PCDH9: variants seen among roughly 807,000 people sequenced by gnomAD.
PCDH9 encodes the protein protocadherin-9.
A neutral mutation model predicts 70.6 loss-of-function variants in PCDH9; 24 were observed. That is an observed-to-expected ratio of 0.34 (90% CI 0.25 to 0.48). PCDH9 has a LOEUF of 0.48. Among genes scored for constraint, PCDH9 ranks in the 20% least tolerant of loss-of-function variants. The pLI is 0.99. For missense variants in PCDH9, 1,281 were observed against 1,503.6 expected (o/e 0.85, Z 2.45); for synonymous variants, 562 against 558.5 (o/e 1.01, Z -0.09).
chr13:66,673,738 C>G (rs965250804), intron 3 of PCDH9, among the ~76,000 whole-genome samples: 1 of 152,126 alleles, frequency 6.6e-6, no homozygotes, highest in Non-Finnish European at 1.5e-5. Context: ...GGCAAAGAAA[C>G]ACACCATTTG....
chr13:67,205,496 C>T (rs747009902), intron 2 of PCDH9: 1 of 152,180 alleles, frequency 6.6e-6, no homozygotes, highest in Non-Finnish European at 1.5e-5. Context: ...GTTCAGAATT[C>T]TAAGTGTTTG....
intron 4 of PCDH9, among the ~76,000 whole-genome samples, chr13:66,447,443 C>T (rs1315635218): frequency 2.0e-5 from 3 of 152,056 alleles, no homozygotes; most frequent in Non-Finnish European, 4.4e-5. Flanking sequence ...GGAATCTGCC[C>T]ATATTAATGC....
intron 2 of PCDH9, among the ~76,000 whole-genome samples, chr13:66,958,090 T>C (rs1317916666): frequency 6.6e-6 from 1 of 152,138 alleles, no homozygotes; most frequent in Non-Finnish European, 1.5e-5. Context: ...TACATAAAGG[T>C]ATGTTCAAGA....
At chr13:66,524,001 C>T (rs1960109482) in intron 4 of PCDH9, among the ~76,000 whole-genome samples, 1 of 152,022 alleles carries the variant, frequency 6.6e-6, no homozygotes. Context: ...CATTATGAGG[C>T]GGTGCTAAAT....
rs1431457888 is a variant in PCDH9 at position 67,228,556 on chromosome 13, C to T, written c.-116G>A. The T allele has an allele frequency of 3.9e-6, 3 of 772,292 alleles. No homozygotes were observed. 47.8% of individuals were successfully genotyped at this position (772,292 alleles called of 1,614,324 possible). On this transcript the variant is annotated 5_prime_UTR_variant, in exon 2 of 5. It removes the in-frame stop codon of an upstream open reading frame in the 5' UTR. Coordinates refer to ENST00000377865, the MANE Select transcript of PCDH9 (RefSeq NM_203487.3). Reference sequence around the variant, plus strand: ...GACTGGAGGATGCATTATATCTCATCACTTATTTGGAGACAGCCGCTGTCA... The same window carrying T: ...GACTGGAGGATGCATTATATCTCATTACTTATTTGGAGACAGCCGCTGTCA...
intron 3 of PCDH9, among the ~76,000 whole-genome samples, chr13:66,850,172 T>A (rs896239311): frequency 6.6e-6 from 1 of 152,170 alleles, no homozygotes; most frequent in Non-Finnish European, 1.5e-5. Flanking sequence ...AACACTAAAG[T>A]GACACCACTA....
intron 2 of PCDH9, chr13:67,211,243 G>A (rs988101108): frequency 1.3e-5 from 2 of 151,884 alleles, no homozygotes; most frequent in African/African-American, 4.8e-5. Context: ...TTTCAATTTC[G>A]TAGTTCATTT....
chr13:66,481,632 T>A (rs1231470102), intron 4 of PCDH9, among the ~76,000 whole-genome samples: 2 of 152,204 alleles, frequency 1.3e-5, no homozygotes, highest in Non-Finnish European at 2.9e-5. Flanking sequence ...GAACTAAACC[T>A]GCAAAATCTC....
intron 4 of PCDH9, among the ~76,000 whole-genome samples, chr13:66,420,640 A>T (rs972027689): frequency 3.3e-5 from 5 of 152,278 alleles, no homozygotes; most frequent in African/African-American, 1.2e-4. Context: ...TAGCATCAAT[A>T]TCAACAAAAA....
At chr13:66,464,737 A>C (rs1318078940) in intron 4 of PCDH9, among the ~76,000 whole-genome samples, 6 of 151,958 alleles carry the variant, frequency 3.9e-5, no homozygotes, top group Admixed American at 3.9e-4. Context: ...AAAGTGCATT[A>C]GCACAGCTTC....
intron 3 of PCDH9, among the ~76,000 whole-genome samples, chr13:66,671,475 A>C (rs1400470708): frequency 1.3e-5 from 2 of 152,194 alleles, no homozygotes; most frequent in Non-Finnish European, 2.9e-5. Context: ...AAGATGCAGA[A>C]AAGTTTGGAA....
intron 2 of PCDH9, among the ~76,000 whole-genome samples, chr13:66,926,303 T>C (rs543229672): frequency 5.4e-4 from 82 of 152,112 alleles, no homozygotes; most frequent in Admixed American, 2.3e-3. Context: ...CTTGTAGTAA[T>C]TGCTTAAAGC....
At chr13:66,389,471 C>T (rs1208306287) in intron 4 of PCDH9, among the ~76,000 whole-genome samples, 1 of 152,170 alleles carries the variant, frequency 6.6e-6, no homozygotes, top group Non-Finnish European at 1.5e-5. Context: ...TAATAATTCT[C>T]AAACACGGTT....
At chr13:66,669,803 T>C (rs926764603) in intron 3 of PCDH9, among the ~76,000 whole-genome samples, 1 of 152,174 alleles carries the variant, frequency 6.6e-6, no homozygotes, top group African/African-American at 2.4e-5. Flanking sequence ...AAAACAAACC[T>C]TTTCCTCAAA....
chr13:66,837,482 C>A (rs1420058217), intron 3 of PCDH9, among the ~76,000 whole-genome samples: 1 of 152,184 alleles, frequency 6.6e-6, no homozygotes, highest in East Asian at 1.9e-4. Context: ...CCGCTGCGTT[C>A]CTCTGCGCCA....
At chr13:66,389,010 A>G (rs1956975614) in intron 4 of PCDH9, among the ~76,000 whole-genome samples, 1 of 152,152 alleles carries the variant, frequency 6.6e-6, no homozygotes, top group Non-Finnish European at 1.5e-5. Flanking sequence ...TTGTGTGTCC[A>G]ATCTCATTTC....
At chr13:66,443,456 A>AT (rs1429307589) in intron 4 of PCDH9, among the ~76,000 whole-genome samples, 3 of 152,020 alleles carry the variant, frequency 2.0e-5, no homozygotes, top group Non-Finnish European at 2.9e-5. Flanking sequence ...TTTTTGTGTG[A>AT]TTTTTTACAT....
At chr13:66,873,727 T>A (rs925718119) in intron 3 of PCDH9, among the ~76,000 whole-genome samples, 1 of 152,102 alleles carries the variant, frequency 6.6e-6, no homozygotes, top group African/African-American at 2.4e-5. Context: ...ATATACCATA[T>A]TCCTGGTTGC....
chr13:66,665,765 T>C (rs1465776009), intron 3 of PCDH9, among the ~76,000 whole-genome samples: 1 of 152,160 alleles, frequency 6.6e-6, no homozygotes, highest in Non-Finnish European at 1.5e-5. Context: ...TTATTGAGTT[T>C]TTTTTAGACT....
Sources: allele counts gnomAD v4.1 joint callset (sites outside exome capture counted in the v4.1 genomes callset), GRCh38; gene constraint gnomAD v4.1.1; transcripts MANE v1.5; gene names NCBI Gene and HGNC (gene_info 2026-07-23, HGNC 2026-07-21).